The following TJP3 variants were observed in gnomAD, a reference collection of about 807,000 sequenced individuals.
TJP3 encodes the protein tight junction protein 3.
Under a neutral mutation model 104.2 loss-of-function variants are expected in TJP3, and 85 were observed. The observed-to-expected ratio is 0.82, with a 90% CI of 0.68 to 0.98. TJP3 has a LOEUF of 0.98. Ranked by LOEUF, TJP3 falls within the 50% of genes least tolerant of loss-of-function variation. TJP3 has a pLI of 0.00. For synonymous variants in TJP3, 550 were observed against 550.6 expected (o/e 1.00, Z 0.02); for missense variants, 1,367 against 1,322.8 (o/e 1.03, Z -0.52).
intron 1 of TJP3, among the ~76,000 whole-genome samples, chr19:3,717,468 C>T (rs2036490717): frequency 6.8e-6 from 1 of 148,108 alleles, no homozygotes; most frequent in South Asian, 2.2e-4. Flanking sequence ...GTGCTGTCTG[C>T]CCTGTCACCC....
At chr19:3,740,374 C>G (rs931784140) in intron 13 of TJP3, among the ~76,000 whole-genome samples, 178 bp from the exon 14 acceptor site, 2 of 152,152 alleles carry the variant, frequency 1.3e-5, no homozygotes, top group African/African-American at 4.8e-5. Context: ...AGTGACAGAG[C>G]AAGACTTTGT....
In TJP3 at chr19:3,734,441, T is replaced by A. The variant is rs918512594; in HGVS notation, c.986+6T>A. 4.4e-6 allele frequency: 7 copies of A among 1,599,886 alleles called. No homozygotes were observed. In the African/African-American group the frequency reaches 9.4e-5, roughly 21 times the overall value. On this transcript the variant is annotated splice_donor_region_variant and intron_variant, in intron 8 of 20. Coordinates refer to ENST00000541714, the MANE Select transcript of TJP3 (RefSeq NM_001267560.2). Reference sequence around the variant, plus strand: ...AGCCAGACCGACTCTCCCGTGTAAGTATCACCCATCGGCCAGAATGGTGAT... The same window carrying A: ...AGCCAGACCGACTCTCCCGTGTAAGAATCACCCATCGGCCAGAATGGTGAT...
intron 1 of TJP3, among the ~76,000 whole-genome samples, chr19:3,718,592 C>T (rs539771507): frequency 2.6e-4 from 39 of 151,780 alleles, no homozygotes; most frequent in African/African-American, 8.5e-4. Flanking sequence ...CCTCAGCCTC[C>T]CTAGTAGCTG....
chr19:3,745,998 C>T lies in TJP3; in HGVS notation c.1940-13C>T, dbSNP rs1470694394. 1 of 1,594,508 alleles carries T rather than the reference C, an allele frequency of 6.3e-7. No individual in the cohort carries two copies. On this transcript the variant is annotated splice_polypyrimidine_tract_variant and intron_variant, in intron 15 of 20. Coordinates refer to ENST00000541714, the MANE Select transcript of TJP3 (RefSeq NM_001267560.2). Reference sequence around the variant, plus strand: ...GCCCTCCTGAAGCTGCTGGTCCTCTCTGCCGTCCACAGAGACTGTGTCCAG... The same window carrying T: ...GCCCTCCTGAAGCTGCTGGTCCTCTTTGCCGTCCACAGAGACTGTGTCCAG...
Position 3,746,412 on chromosome 19 carries a change from ATCTT to A in TJP3, c.2011-69_2011-66del, listed in dbSNP as rs2036888755. 2 of 1,528,420 alleles carry A rather than the reference ATCTT, an allele frequency of 1.3e-6. No individual in the cohort carries two copies. Among genetic ancestry groups the A allele is most frequent in the South Asian group, 1.2e-5 (1 of 84,912 alleles). 94.7% of individuals were successfully genotyped at this position (1,528,420 alleles called of 1,614,324 possible). ...GGTCCACTCTGACCTCAGACTCTTC[ATCTT>A]TCTATCTTTCTCTCTCTGTTTACCC... On this transcript the variant is annotated intron_variant, in intron 16 of 20. Coordinates refer to ENST00000541714, the MANE Select transcript of TJP3 (RefSeq NM_001267560.2). The surrounding 1 kb of genome is among the most constrained non-coding windows in gnomAD (Gnocchi z 4.1).
In TJP3 at chr19:3,730,192, G is replaced by C. The variant is rs1018361051; in HGVS notation, c.261+62G>C. ...ACCCCAGCCTGGGTCGTGCCGCTGT[G>C]GGGGTTGTAAGCTTCTGAGAGCAAG... On this transcript the variant is annotated intron_variant, in intron 4 of 20. Transcript: ENST00000541714. This position sits in a 1 kb window ranked among gnomAD's most constrained non-coding sequence, Gnocchi z 7.3. The C allele has an allele frequency of 2.5e-6, 4 of 1,572,794 alleles. No homozygotes were observed. Among genetic ancestry groups the C allele is most frequent in the African/African-American group, 1.4e-5 (1 of 74,030 alleles).
rs750446306 is a variant in TJP3, at chr19:3,740,637, G to A, written c.1717G>A (p.Glu573Lys). 6.9e-6 allele frequency: 11 copies of A among 1,598,370 alleles called. No individual in the cohort carries two copies. Among genetic ancestry groups the A allele is most frequent in the African/African-American group, 4.0e-5 (3 of 74,312 alleles). ...GSSAGSNARAEFWRLRGLRRG... is the reference protein window; with the variant it reads ...GSSAGSNARAKFWRLRGLRRG... ...CTCCGCGGGCTCCAATGCTCGGGCC[G>A]AGTTCTGGCGGCTGCGGGGTCTTCG... is the stretch of plus-strand genomic sequence containing the variant. The change falls in exon 14 of 21, where the codon GAG becomes AAG. Residue 573 changes from glutamate to lysine, a missense_variant. Physicochemically the swap from Glu to Lys is moderately conservative, Grantham distance 56. Coordinates refer to ENST00000541714, the MANE Select transcript of TJP3 (RefSeq NM_001267560.2).
intron 1 of TJP3, among the ~76,000 whole-genome samples, chr19:3,720,518 C>A (rs1464110093): frequency 6.6e-6 from 1 of 152,184 alleles, no homozygotes; most frequent in East Asian, 1.9e-4. Flanking sequence ...CCTGTCCCTG[C>A]CCAGCCCTGA....
intron 1 of TJP3, among the ~76,000 whole-genome samples, chr19:3,724,704 T>C (rs1201240893): frequency 1.3e-5 from 2 of 152,124 alleles, no homozygotes; most frequent in African/African-American, 2.4e-5. Flanking sequence ...GCCCGGCTAA[T>C]TTTTGTATTT....
rs1437432355 is a variant in TJP3 at position 3,750,653 on chromosome 19, G to A, written c.2729G>A (p.Gly910Asp). Reference sequence around the variant, plus strand: ...GATGCGGAGTCCTCCGATGAAGACGGCTATGACTGGGGTCCGGCCACTGAC... The same window carrying A: ...GATGCGGAGTCCTCCGATGAAGACGACTATGACTGGGGTCCGGCCACTGAC... Reference protein sequence around the residue: ...VHDAESSDEDGYDWGPATDL With the variant: ...VHDAESSDEDDYDWGPATDL The change falls in exon 21 of 21, where the codon GGC becomes GAC. Residue 910 changes from glycine (G) to aspartate (D), a missense_variant. Gly to Asp is a moderately conservative substitution (Grantham distance 94, BLOSUM62 -1). Coordinates refer to ENST00000541714, the MANE Select transcript of TJP3 (RefSeq NM_001267560.2). 4 of 1,606,064 alleles carry A rather than the reference G, an allele frequency of 2.5e-6. No homozygotes were observed. The Admixed American group carries it at 5.1e-5, about 20-fold the overall frequency.
chr19:3,709,198 C>G (rs1354665836), intron 1 of TJP3, among the ~76,000 whole-genome samples: 4 of 152,078 alleles, frequency 2.6e-5, no homozygotes. Context: ...TCACTGCAAC[C>G]TCTGCCTCCA....
intron 15 of TJP3, among the ~76,000 whole-genome samples, chr19:3,744,676 A>G (rs1312696391): frequency 1.8e-5 from 2 of 110,492 alleles, no homozygotes; most frequent in African/African-American, 5.5e-5. Context: ...AAAAAAAAAC[A>G]AAAACAATTA....
intron 10 of TJP3, 40 bp from the exon 11 acceptor site, chr19:3,736,125 G>A (rs1346190364): frequency 4.5e-6 from 7 of 1,559,776 alleles, no homozygotes; most frequent in Admixed American, 1.8e-5. Flanking sequence ...CCCTTTGTCC[G>A]CCCACTCTGC....
intron 3 of TJP3, 61 bp from the exon 4 acceptor site, chr19:3,729,967 G>T: frequency 7.0e-7 from 1 of 1,426,532 alleles, no homozygotes; most frequent in Non-Finnish European, 9.9e-7. Flanking sequence ...CCCCAGGGAG[G>T]GCTTGTTACG....
intron 1 of TJP3, among the ~76,000 whole-genome samples, chr19:3,726,581 A>G (rs756462376): frequency 2.0e-5 from 3 of 149,482 alleles, no homozygotes; most frequent in Non-Finnish European, 4.4e-5. Context: ...CCTCAGCAAC[A>G]GAGTTTTTTT....
chr19:3,722,753 C>T (rs1450035499), intron 1 of TJP3, among the ~76,000 whole-genome samples: 1 of 151,556 alleles, frequency 6.6e-6, no homozygotes, highest in Non-Finnish European at 1.5e-5. Flanking sequence ...TTCCCGCTGA[C>T]TTCTTCCTTG....
rs188611095 is a variant in TJP3, at chr19:3,738,097, T to C, written c.1285-458T>C. On this transcript the variant is annotated intron_variant, in intron 11 of 20. Coordinates refer to ENST00000541714, the MANE Select transcript of TJP3 (RefSeq NM_001267560.2). ...GAGAGCAGATGGCTGTGTCCATATA[T>C]TGTTGTCCCTGTCATGACCCTGGTG... Among the ~76,000 whole-genome samples the C allele has an allele frequency of 7.1e-4, 49 of 68,708 alleles. 1 individual carries two copies. The East Asian group carries it at 0.017, about 24-fold the overall frequency. The allele number at this position is 68,708 out of a possible 152,430, so 45.1% of individuals were successfully genotyped here.
In TJP3 at chr19:3,717,243, GCA is replaced by G. The variant is rs1488002583; in HGVS notation, c.-10+8684_-10+8685del. ...ACCTCCCAAAGTGCTGGGATTACAG[GCA>G]CGAGCCACCACGCCTGGCCCATGAC... On this transcript the variant is annotated intron_variant, in intron 1 of 20. Transcript: ENST00000541714. Among the ~76,000 whole-genome samples the G allele has an allele frequency of 7.5e-5, 11 of 146,078 alleles. 2 individuals carry two copies. Among genetic ancestry groups the G allele is most frequent in the East Asian group, 2.0e-4 (1 of 5,046 alleles).
intron 12 of TJP3, 98 bp downstream of exon 12, chr19:3,738,761 C>G (rs1444425987): frequency 3.8e-6 from 5 of 1,325,342 alleles, no homozygotes; most frequent in South Asian, 2.6e-5. Context: ...GAATCTGCAT[C>G]TCTGCACCCT....
Sources: allele counts gnomAD v4.1 joint callset (sites outside exome capture counted in the v4.1 genomes callset), GRCh38; gene constraint gnomAD v4.1.1; non-coding constraint Gnocchi (gnomAD v3.1); transcripts MANE v1.5; gene names NCBI Gene and HGNC (gene_info 2026-07-23, HGNC 2026-07-21).